The following JPH3 variants were observed in gnomAD, a reference collection of about 807,000 sequenced individuals.
The protein encoded by JPH3 is junctophilin-3.
A neutral mutation model predicts 59.6 loss-of-function variants in JPH3; 11 were observed. The ratio of observed to expected loss-of-function variants is 0.18; its 90% CI spans 0.12 to 0.31. The LOEUF (loss-of-function observed/expected upper bound fraction) is 0.31. Ranked by LOEUF, JPH3 falls within the 10% of genes least tolerant of loss-of-function variation. JPH3 has a pLI of 1.00. For missense variants in JPH3, 1,202 were observed against 1,105.7 expected, an observed-to-expected ratio of 1.09 and a Z score of -1.24; for synonymous variants, 673 against 483.6, an observed-to-expected ratio of 1.39 and a Z score of -5.14.
intron 2 of JPH3, among the ~76,000 whole-genome samples, chr16:87,658,209 C>A (rs541259219): frequency 6.6e-6 from 1 of 152,304 alleles, no homozygotes; most frequent in South Asian, 2.1e-4. Flanking sequence ...ACTATAGCGA[C>A]CTCCTGAGGT....
intron 2 of JPH3, among the ~76,000 whole-genome samples, chr16:87,675,831 A>C (rs1597282958): frequency 6.6e-6 from 1 of 152,008 alleles, no homozygotes. Flanking sequence ...ACTATTCCTC[A>C]CCTTTCATAC....
intron 3 of JPH3, among the ~76,000 whole-genome samples, chr16:87,687,567 C>A (rs749711523): frequency 2.6e-5 from 4 of 152,224 alleles, no homozygotes; most frequent in Non-Finnish European, 5.9e-5. Context: ...CATCCGCCCC[C>A]GCCCCAGAGG....
At chr16:87,662,627 C>G (rs1308007305) in intron 2 of JPH3, among the ~76,000 whole-genome samples, 2 of 152,234 alleles carry the variant, frequency 1.3e-5, no homozygotes, top group Non-Finnish European at 2.9e-5. Flanking sequence ...CCTCCAGAGT[C>G]TGTCCCGGCC....
rs1015822708 is a variant in JPH3 at position 87,697,047 on chromosome 16, C to T, written c.*387C>T. 1.8e-5 allele frequency: 5 copies of T among 271,978 alleles called. No homozygotes were observed. Among genetic ancestry groups the T allele is most frequent in the East Asian group, 9.0e-5 (1 of 11,114 alleles). The allele number at this position is 271,978 out of a possible 1,614,324, so 16.8% of individuals were successfully genotyped here. A position where few individuals can be genotyped will look rare whatever the true frequency, so the allele number is the denominator to read the frequency against. On this transcript the variant is annotated 3_prime_UTR_variant, in exon 5 of 5. Coordinates refer to ENST00000284262, the MANE Select transcript of JPH3 (RefSeq NM_020655.4). Reference sequence around the variant, plus strand: ...AGCCCGGGGCAGAGCCTCAGCCCCGCGGCCCCTGAGTGGCAGGGCTGACTC... The same window carrying T: ...AGCCCGGGGCAGAGCCTCAGCCCCGTGGCCCCTGAGTGGCAGGGCTGACTC...
intron 1 of JPH3, among the ~76,000 whole-genome samples, chr16:87,608,456 C>G (rs1479443893): frequency 6.6e-6 from 1 of 152,210 alleles, no homozygotes; most frequent in African/African-American, 2.4e-5. Context: ...GCTTCCCCCG[C>G]TGGTAGCTTC....
intron 4 of JPH3, among the ~76,000 whole-genome samples, chr16:87,690,813 C>G (rs1453108185): frequency 1.3e-5 from 2 of 152,246 alleles, no homozygotes; most frequent in African/African-American, 4.8e-5. Flanking sequence ...TCCCTGCGCT[C>G]CCCGCAACGT....
intron 2 of JPH3, among the ~76,000 whole-genome samples, chr16:87,678,157 C>G (rs765382601): frequency 6.6e-6 from 1 of 152,174 alleles, no homozygotes; most frequent in Non-Finnish European, 1.5e-5. Flanking sequence ...GGAAGGACTG[C>G]TTGAGCCCAG....
At position 87,696,871 on chromosome 16, in the gene JPH3, T is replaced by C. The variant is rs1388600363; in HGVS notation, c.*211T>C. 1 of 564,926 alleles carries C rather than the reference T, an allele frequency of 1.8e-6. No individual in the cohort carries two copies. Among genetic ancestry groups the C allele is most frequent in the African/African-American group, 1.9e-5 (1 of 53,248 alleles). 35.0% of individuals were successfully genotyped at this position (564,926 alleles called of 1,614,324 possible). A position where few individuals can be genotyped will look rare whatever the true frequency, so the allele number is the denominator to read the frequency against. On this transcript the variant is annotated 3_prime_UTR_variant, in exon 5 of 5. Transcript: ENST00000284262. ...GATTTTAGCCAAAATTCTTTGCTTG[T>C]ATAACACTCTGCTGTGTGGCATGGC...
intron 1 of JPH3, among the ~76,000 whole-genome samples, chr16:87,627,723 C>T (rs866645264): frequency 6.6e-6 from 1 of 152,194 alleles, no homozygotes; most frequent in Non-Finnish European, 1.5e-5. Flanking sequence ...GGACTTCTGT[C>T]TGGGGTCACG....
At chr16:87,667,818 TTTTGTTTTG>T (rs2032910737) in intron 2 of JPH3, among the ~76,000 whole-genome samples, 3 of 152,128 alleles carry the variant, frequency 2.0e-5, no homozygotes, top group African/African-American at 7.2e-5. Flanking sequence ...GTTTGTTTTG[TTTTGTTTTG>T]TTTTGTTTTT....
chr16:87,649,416 C>T (rs2032259428), intron 2 of JPH3, among the ~76,000 whole-genome samples: 1 of 152,234 alleles, frequency 6.6e-6, no homozygotes, highest in South Asian at 2.1e-4. Flanking sequence ...CTCGCTGTCC[C>T]CGGGTGGACA....
At chr16:87,639,123 T>G (rs1354373461) in intron 1 of JPH3, among the ~76,000 whole-genome samples, 1 of 152,188 alleles carries the variant, frequency 6.6e-6, no homozygotes, top group Non-Finnish European at 1.5e-5. Context: ...GCAGGGCTTT[T>G]GCGATGATCA....
chr16:87,682,436 G>A (rs2033318962), intron 2 of JPH3, among the ~76,000 whole-genome samples: 1 of 152,102 alleles, frequency 6.6e-6, no homozygotes, highest in East Asian at 1.9e-4. Flanking sequence ...TAGGATGTGG[G>A]GCCTTTGGGA....
intron 1 of JPH3, among the ~76,000 whole-genome samples, chr16:87,605,257 C>T (rs1235618363): frequency 2.6e-5 from 4 of 152,204 alleles, no homozygotes; most frequent in African/African-American, 7.2e-5. Context: ...CTCAGAATAT[C>T]TGGGGGTGAG....
chr16:87,649,995 G>C (rs1214608676), intron 2 of JPH3, among the ~76,000 whole-genome samples: 2 of 152,216 alleles, frequency 1.3e-5, no homozygotes, highest in African/African-American at 4.8e-5. Context: ...TTGCAAAGCA[G>C]AAACCCAAGC....
Position 87,677,227 on chromosome 16 carries a change from A to ACACACACACACACACACAC in JPH3, c.1161-6915_1161-6914insCACACACACACACACACAC, listed in dbSNP as rs1567610816. Reference sequence around the variant, plus strand: ...ACACACACACACACACACACACACAAAAAAAAAAATTAGCCGGGTGTGGTG... The same window carrying ACACACACACACACACACAC: ...ACACACACACACACACACACACACAACACACACACACACACACACAAAAAAAAATTAGCCGGGTGTGGTG... On this transcript the variant is annotated intron_variant, in intron 2 of 4. Coordinates refer to ENST00000284262, the MANE Select transcript of JPH3 (RefSeq NM_020655.4). Among the ~76,000 whole-genome samples, 46 of 99,190 alleles carry ACACACACACACACACACAC rather than the reference A, an allele frequency of 4.6e-4. 1 individual carries two copies. The highest frequency in any genetic ancestry group is 6.6e-4 in the East Asian group (2 of 3,044). 65.1% of individuals were successfully genotyped at this position (99,190 alleles called of 152,430 possible).
chr16:87,650,818 G>A (rs1597262691), intron 2 of JPH3, among the ~76,000 whole-genome samples: 1 of 152,226 alleles, frequency 6.6e-6, no homozygotes, highest in South Asian at 2.1e-4. Context: ...GGTTCATCAG[G>A]TTTAAGGAAA....
At chr16:87,621,398 G>A (rs755867218) in intron 1 of JPH3, among the ~76,000 whole-genome samples, 1 of 152,226 alleles carries the variant, frequency 6.6e-6, no homozygotes, top group Non-Finnish European at 1.5e-5. Flanking sequence ...TGCGCAAGGG[G>A]CTTCAGGGTG....
At chr16:87,610,838 G>C (rs1023465262) in intron 1 of JPH3, among the ~76,000 whole-genome samples, 1 of 152,190 alleles carries the variant, frequency 6.6e-6, no homozygotes, top group Non-Finnish European at 1.5e-5. Flanking sequence ...TTTGGACCAC[G>C]ATTTAATGAG....
Sources: gnomAD v4.1 joint callset for allele counts (sites outside exome capture counted in the v4.1 genomes callset) on GRCh38, gnomAD v4.1.1 for gene constraint, MANE v1.5 for transcripts, NCBI Gene and HGNC (gene_info 2026-07-23, HGNC 2026-07-21) for gene names.